GABRG3: variants seen among roughly 807,000 people sequenced by gnomAD.
The protein encoded by GABRG3 is gamma-aminobutyric acid type A receptor subunit gamma3.
In GABRG3, 25 loss-of-function variants were observed where a neutral mutation model predicts 48.8. That is an observed-to-expected ratio of 0.51 (90% CI 0.37 to 0.72). GABRG3 has a LOEUF of 0.72. Ranked by LOEUF, GABRG3 falls within the 30% of genes least tolerant of loss-of-function variation. The probability of loss-of-function intolerance (pLI) is 0.00; values close to 1 mark genes in which losing one functional copy is unlikely to be tolerated. For synonymous variants in GABRG3, 227 were observed against 217.6 expected (o/e 1.04, Z -0.38); for missense variants, 394 against 577.9 (o/e 0.68, Z 3.26).
intron 5 of GABRG3, among the ~76,000 whole-genome samples, chr15:27,424,011 T>C (rs1349648180): frequency 1.3e-5 from 2 of 152,170 alleles, no homozygotes; most frequent in South Asian, 2.1e-4. Context: ...CTCAACTTAC[T>C]ATGCTAGTAT....
At chr15:27,475,233 G>C (rs976048631) in intron 5 of GABRG3, among the ~76,000 whole-genome samples, 8 of 152,106 alleles carry the variant, frequency 5.3e-5, no homozygotes, top group African/African-American at 1.7e-4. Flanking sequence ...ATGGACACTA[G>C]AGTCATACAT....
At chr15:27,464,160 G>C (rs1889533759) in intron 5 of GABRG3, among the ~76,000 whole-genome samples, 1 of 152,084 alleles carries the variant, frequency 6.6e-6, no homozygotes, top group African/African-American at 2.4e-5. Flanking sequence ...CAGTTCAGTG[G>C]TGTTTAGTAT....
At chr15:27,175,751 CT>C (rs1369966266) in intron 3 of GABRG3, among the ~76,000 whole-genome samples, 1 of 152,230 alleles carries the variant, frequency 6.6e-6, no homozygotes, top group Admixed American at 6.5e-5. Flanking sequence ...TGCCTGCATT[CT>C]TTTCCCTGTA....
chr15:27,423,797 G>A (rs549020467), intron 5 of GABRG3, among the ~76,000 whole-genome samples: 2 of 137,714 alleles, frequency 1.5e-5, no homozygotes, highest in African/African-American at 5.6e-5. Flanking sequence ...CAAACTCCTG[G>A]ACTCAAGCAA....
intron 3 of GABRG3, among the ~76,000 whole-genome samples, chr15:27,306,947 T>C (rs9796737): frequency 7.6e-5 from 7 of 92,186 alleles, no homozygotes; most frequent in Non-Finnish European, 1.1e-4. Flanking sequence ...TAAACATATA[T>C]AATATAAACA....
intron 3 of GABRG3, among the ~76,000 whole-genome samples, chr15:27,271,142 T>C (rs1170194840): frequency 1.3e-5 from 2 of 152,126 alleles, no homozygotes; most frequent in Admixed American, 6.5e-5. Context: ...TGTCCCTCTG[T>C]CCTCCCATGC....
At position 27,180,705 on chromosome 15, in the gene GABRG3, A is replaced by G. The variant is rs1469256476; in HGVS notation, c.271-146104A>G. ...CCAGGTCAGTTCTAGCAATAATTGA[A>G]AAACAGAAACCTATTTTCTTTAATT... On this transcript the variant is annotated intron_variant, in intron 3 of 9. Coordinates refer to ENST00000615808, the MANE Select transcript of GABRG3 (RefSeq NM_033223.5). This position sits in a 1 kb window ranked among gnomAD's most constrained non-coding sequence, Gnocchi z 4.2. Among the ~76,000 whole-genome samples, 1 of 152,120 alleles carries G rather than the reference A, an allele frequency of 6.6e-6. No individual in the cohort carries two copies. Among genetic ancestry groups the G allele is most frequent in the Non-Finnish European group, 1.5e-5 (1 of 68,020 alleles).
chr15:27,238,987 C>T (rs192498468), intron 3 of GABRG3, among the ~76,000 whole-genome samples: 15 of 152,136 alleles, frequency 9.9e-5, no homozygotes, highest in Non-Finnish European at 1.0e-4. Context: ...AATAACAGAG[C>T]GAGTCTCTCT....
intron 3 of GABRG3, among the ~76,000 whole-genome samples, chr15:27,132,597 A>AT (rs58629120): frequency 8.4e-4 from 122 of 146,006 alleles, no homozygotes; most frequent in African/African-American, 2.8e-3. Context: ...ATTGGTGTGC[A>AT]TTTTTTTTAG....
intron 5 of GABRG3, among the ~76,000 whole-genome samples, chr15:27,432,281 T>C (rs1888477247): frequency 6.6e-6 from 1 of 152,232 alleles, no homozygotes; most frequent in African/African-American, 2.4e-5. Context: ...GTGCTATTAA[T>C]TATATAGAAA....
At chr15:27,530,380 T>C (rs73373620) in intron 9 of GABRG3, among the ~76,000 whole-genome samples, 2,624 of 152,224 alleles carry the variant, frequency 0.017, 80 homozygotes, top group African/African-American at 0.058. Context: ...CTATCTTGGG[T>C]ACAGTTTGAA....
intron 6 of GABRG3, among the ~76,000 whole-genome samples, chr15:27,516,896 T>C (rs1891032180): frequency 1.3e-5 from 2 of 152,230 alleles, no homozygotes; most frequent in African/African-American, 4.8e-5. Context: ...AAACAAGTAT[T>C]TGGGATTGGA....
chr15:27,466,345 G>C (rs1889609582), intron 5 of GABRG3, among the ~76,000 whole-genome samples: 1 of 152,146 alleles, frequency 6.6e-6, no homozygotes, highest in African/African-American at 2.4e-5. Flanking sequence ...CAAGCCCTGG[G>C]ACATTGGTGT....
At chr15:27,356,766 C>G (rs1894856627) in intron 5 of GABRG3, among the ~76,000 whole-genome samples, 4 of 152,096 alleles carry the variant, frequency 2.6e-5, no homozygotes, top group Admixed American at 2.6e-4. Flanking sequence ...GTAGGCTGCC[C>G]ACTTTGAACA....
chr15:27,307,435 A>ATG (rs1453688197), intron 3 of GABRG3, among the ~76,000 whole-genome samples: 4 of 76,618 alleles, frequency 5.2e-5, no homozygotes, highest in Non-Finnish European at 1.1e-4. Context: ...AGGTTTATAT[A>ATG]TTTATATATA....
At chr15:27,354,082 A>G (rs988548971) in intron 5 of GABRG3, among the ~76,000 whole-genome samples, 2 of 152,334 alleles carry the variant, frequency 1.3e-5, no homozygotes, top group East Asian at 3.9e-4. Context: ...GCTCAGATCC[A>G]GGCCTGTACC....
At chr15:27,275,287 A>C (rs1375280148) in intron 3 of GABRG3, among the ~76,000 whole-genome samples, 1 of 152,204 alleles carries the variant, frequency 6.6e-6, no homozygotes, top group East Asian at 1.9e-4. Flanking sequence ...ATCATTGTTT[A>C]AAATTTCATG....
At chr15:27,171,254 A>G (rs977076599) in intron 3 of GABRG3, among the ~76,000 whole-genome samples, 1 of 152,182 alleles carries the variant, frequency 6.6e-6, no homozygotes, top group African/African-American at 2.4e-5. Flanking sequence ...TAAGAAATGA[A>G]TTATAGCTTT....
At chr15:27,181,393 G>A (rs1053588064) in intron 3 of GABRG3, among the ~76,000 whole-genome samples, 1 of 152,174 alleles carries the variant, frequency 6.6e-6, no homozygotes, top group African/African-American at 2.4e-5. Flanking sequence ...GGGAAGATTT[G>A]TATGAGATTT....
Sources: allele counts gnomAD v4.1 joint callset (sites outside exome capture counted in the v4.1 genomes callset), GRCh38; gene constraint gnomAD v4.1.1; non-coding constraint Gnocchi (gnomAD v3.1); transcripts MANE v1.5; gene names NCBI Gene and HGNC (gene_info 2026-07-23, HGNC 2026-07-21).